DIP2A: variants seen among roughly 807,000 people sequenced by gnomAD.
DIP2A encodes the protein DIP2 acetate--CoA ligase A, also known as disco-interacting protein 2 homolog A.
DIP2A carries 85 observed loss-of-function variants against 177.4 expected under a neutral mutation model. That is an observed-to-expected ratio of 0.48 (90% confidence interval 0.40 to 0.57). The LOEUF (loss-of-function observed/expected upper bound fraction) is 0.57, where lower values mean the gene tolerates loss of function less well. Among genes scored for constraint, DIP2A ranks in the 20% least tolerant of loss-of-function variants. The probability of loss-of-function intolerance (pLI) is 0.00; values close to 1 mark genes in which losing one functional copy is unlikely to be tolerated. For missense variants in DIP2A, 1,791 were observed against 2,100.2 expected (o/e 0.85, Z 2.88); for synonymous variants, 886 against 881.8 (o/e 1.00, Z -0.08).
chr21:46,564,040 T>C, intron 35 of DIP2A, 108 bp downstream of exon 35: 1 of 1,304,532 alleles, frequency 7.7e-7, no homozygotes, highest in South Asian at 1.3e-5. Context: ...TTTGGGAATC[T>C]ACCAGAAACC....
At chr21:46,514,886 T>A (rs1246341032) in intron 8 of DIP2A, among the ~76,000 whole-genome samples, 1 of 152,212 alleles carries the variant, frequency 6.6e-6, no homozygotes, top group Non-Finnish European at 1.5e-5. Flanking sequence ...ATGCTTTTTC[T>A]GCTGCTAGAA....
At chr21:46,474,482 C>T (rs2055670902) in intron 1 of DIP2A, among the ~76,000 whole-genome samples, 1 of 152,210 alleles carries the variant, frequency 6.6e-6, no homozygotes, top group South Asian at 2.1e-4. Context: ...GCAGGGAAGA[C>T]TGAGGAAGGA....
intron 8 of DIP2A, among the ~76,000 whole-genome samples, chr21:46,520,331 T>C (rs1278407497): frequency 6.6e-6 from 1 of 152,256 alleles, no homozygotes; most frequent in African/African-American, 2.4e-5. Flanking sequence ...AAGTTACTTC[T>C]GTTTTCTACT....
At position 46,537,175 on chromosome 21, in the gene DIP2A, C is replaced by G; in HGVS notation, c.1643-49C>G. ...GAATTTCTCTAGAAAATGCATAGGG[C>G]TTATTGAGAGGGTTGCTCAGTGGTG... is the stretch of plus-strand genomic sequence containing the variant. On this transcript the variant is annotated intron_variant, in intron 13 of 37. Transcript: ENST00000417564. The surrounding 1 kb of genome is among the most constrained non-coding windows in gnomAD (Gnocchi z 4.1). The G allele has an allele frequency of 1.9e-6, 3 of 1,592,954 alleles. No individual in the cohort carries two copies. Among genetic ancestry groups the G allele is most frequent in the South Asian group, 1.1e-5 (1 of 90,654 alleles).
rs200246973 is a variant in DIP2A at position 46,534,710 on chromosome 21, C to T, written c.1642+23C>T. 3.0e-4 allele frequency: 474 copies of T among 1,591,680 alleles called. 2 individuals are homozygous for T. In the African/African-American group the frequency reaches 5.7e-3, roughly 19 times the overall value. On this transcript the variant is annotated intron_variant, in intron 13 of 37. Transcript: ENST00000417564. ...AAGGTAAGGGCTCTCGGGGGTGGGG[C>T]GGTGGCCCCTCCAGCCTCACACAGA... is the stretch of plus-strand genomic sequence containing the variant.
At position 46,564,692 on chromosome 21, in the gene DIP2A, C is replaced by G. The variant is rs184637070; in HGVS notation, c.4164+760C>G. On this transcript the variant is annotated intron_variant, in intron 35 of 37. Transcript: ENST00000417564. ...TTGTGAGCTCTGCTGTGAAGCCAGACTGGGGGCTTCCAGCAAGCCGTGCCC... is the reference window on the plus strand; with the variant it reads ...TTGTGAGCTCTGCTGTGAAGCCAGAGTGGGGGCTTCCAGCAAGCCGTGCCC... Among the ~76,000 whole-genome samples, 522 of 152,348 alleles carry G rather than the reference C, an allele frequency of 3.4e-3. 5 individuals carry two copies. The highest frequency in any genetic ancestry group is 0.011 in the African/African-American group (449 of 41,584).
Position 46,567,709 on chromosome 21 carries a change from C to T in DIP2A, c.*87C>T, listed in dbSNP as rs912013062. ...GGGAAGACACCGCAGAGCTCACTCACCGGGACTCGCCCTTCCTGTGCTCTT... is the reference window on the plus strand; with the variant it reads ...GGGAAGACACCGCAGAGCTCACTCATCGGGACTCGCCCTTCCTGTGCTCTT... On this transcript the variant is annotated 3_prime_UTR_variant, in exon 38 of 38. Coordinates refer to ENST00000417564, the MANE Select transcript of DIP2A (RefSeq NM_015151.4). 13 of 1,476,852 alleles carry T rather than the reference C, an allele frequency of 8.8e-6. No homozygotes were observed. The highest frequency in any genetic ancestry group is 1.2e-5 in the Non-Finnish European group (13 of 1,108,412). 91.5% of individuals were successfully genotyped at this position (1,476,852 alleles called of 1,614,324 possible).
In DIP2A at chr21:46,549,855, C is replaced by T. The variant is rs1357830034; in HGVS notation, c.2607C>T (p.Asp869=). The change falls in exon 22 of 38, where the codon GAC becomes GAT. Residue 869 remains aspartate, a synonymous_variant. Coordinates refer to ENST00000417564, the MANE Select transcript of DIP2A (RefSeq NM_015151.4). ...AEQRPDASEE[D]SFQWMSRVLQ... ...AGCGGCCGGATGCCTCGGAGGAGGA[C>T]AGCTTCCAGTGGATGAGCCGTGTGC... is the stretch of plus-strand genomic sequence containing the variant. The T allele has an allele frequency of 1.2e-6, 2 of 1,612,626 alleles. No homozygotes were observed. Among genetic ancestry groups the T allele is most frequent in the East Asian group, 4.5e-5 (2 of 44,878 alleles).
intron 15 of DIP2A, 50 bp from the exon 16 acceptor site, chr21:46,538,433 G>A (rs1230068158): frequency 9.1e-6 from 14 of 1,530,984 alleles, no homozygotes; most frequent in Non-Finnish European, 1.1e-5. Flanking sequence ...GGCGTGTGAG[G>A]GTGCCAGTCC....
intron 2 of DIP2A, among the ~76,000 whole-genome samples, chr21:46,489,237 G>C (rs1899256869): frequency 6.6e-6 from 1 of 152,218 alleles, no homozygotes; most frequent in Admixed American, 6.5e-5. Context: ...ACCCCAAAAT[G>C]TACACAGTAC....
rs886152168 is a variant in DIP2A, at chr21:46,556,429, A to G, written c.3498+338A>G. The G allele has an allele frequency of 2.3e-6, 3 of 1,310,716 alleles. No individual in the cohort carries two copies. The highest frequency in any genetic ancestry group is 5.1e-5 in the East Asian group (1 of 19,604). 81.2% of individuals were successfully genotyped at this position (1,310,716 alleles called of 1,614,324 possible). On this transcript the variant is annotated intron_variant, in intron 29 of 37. Coordinates refer to ENST00000417564, the MANE Select transcript of DIP2A (RefSeq NM_015151.4). This position sits in a 1 kb window ranked among gnomAD's most constrained non-coding sequence, Gnocchi z 4.5. ...CGGGGCGTGGTGGCTCACGCCTGTA[A>G]TCCCAGCACTTCGGGAGGCCGAGGC...
intron 5 of DIP2A, among the ~76,000 whole-genome samples, chr21:46,501,652 G>A (rs1192928951): frequency 6.6e-6 from 1 of 152,040 alleles, no homozygotes; most frequent in African/African-American, 2.4e-5. Flanking sequence ...TGAACTCCTG[G>A]GCTCAAGTGA....
At chr21:46,570,032 A>G (rs2060937653), downstream of DIP2A, among the ~76,000 whole-genome samples, 1 of 152,180 alleles carries the variant, frequency 6.6e-6, no homozygotes, top group Non-Finnish European at 1.5e-5. Flanking sequence ...ATATTCTTCT[A>G]CATGTTTCAG....
intron 5 of DIP2A, among the ~76,000 whole-genome samples, chr21:46,499,183 T>C (rs2057520583): frequency 6.6e-6 from 1 of 152,256 alleles, no homozygotes; most frequent in South Asian, 2.1e-4. Flanking sequence ...CTGGGAAATG[T>C]CCTTTTGGTA....
rs985351841 is a variant in DIP2A, at chr21:46,533,710, G to A, written c.1429+63G>A. The A allele has an allele frequency of 2.5e-6, 4 of 1,599,100 alleles. No homozygotes were observed. In the African/African-American group the frequency reaches 5.4e-5, roughly 21 times the overall value. ...CTGTGGTCTGTGTTAAATGCATGGT[G>A]TTCCAGAAATTAAACATGACAGAGG... On this transcript the variant is annotated intron_variant, in intron 11 of 37. Transcript: ENST00000417564.
At position 46,509,216 on chromosome 21, in the gene DIP2A, T is replaced by C. The variant is rs569306689; in HGVS notation, c.785-41T>C. ...TTACACCTGTGTCCACTTCTTCAGA[T>C]GTGTCCTGGCCTCAGTGCTCCTCTG... On this transcript the variant is annotated intron_variant, in intron 6 of 37. Transcript: ENST00000417564. The C allele has an allele frequency of 2.5e-5, 40 of 1,570,462 alleles. No homozygotes were observed. The South Asian group carries it at 4.7e-4, about 18-fold the overall frequency.
chr21:46,547,709 A>T lies in DIP2A; in HGVS notation c.2522+667A>T, dbSNP rs146734401. 7.2e-4 allele frequency among the ~76,000 whole-genome samples: 89 copies of T among 123,908 alleles called. 1 individual carries two copies. The highest frequency in any genetic ancestry group is 2.7e-3 in the African/African-American group (85 of 31,538). 81.3% of individuals were successfully genotyped at this position (123,908 alleles called of 152,430 possible). On this transcript the variant is annotated intron_variant, in intron 21 of 37. Coordinates refer to ENST00000417564, the MANE Select transcript of DIP2A (RefSeq NM_015151.4). ...AAGATAGGGTCTCACTCTGTTGCCC[A>T]TCCAGGCTGGAGTGCAGTAGTGTGA...
chr21:46,551,927 G>T, intron 25 of DIP2A, 23 bp downstream of exon 25: 1 of 1,578,414 alleles, frequency 6.3e-7, no homozygotes, highest in Non-Finnish European at 8.6e-7. Flanking sequence ...CACGCCCACG[G>T]GGCTTGGAAA....
At chr21:46,466,664 G>A (rs1394065675) in intron 1 of DIP2A, among the ~76,000 whole-genome samples, 1 of 151,124 alleles carries the variant, frequency 6.6e-6, no homozygotes, top group Non-Finnish European at 1.5e-5. Context: ...TTTTTTTTAA[G>A]AGACTCCCCC....
Sources: gnomAD v4.1 joint callset for allele counts (sites outside exome capture counted in the v4.1 genomes callset) on GRCh38, gnomAD v4.1.1 for gene constraint, Gnocchi (gnomAD v3.1) non-coding constraint, MANE v1.5 for transcripts, NCBI Gene and HGNC (gene_info 2026-07-23, HGNC 2026-07-21) for gene names.